Variants in DIP2C observed in about 807,000 individuals in gnomAD.
The protein encoded by DIP2C is disco-interacting protein 2 homolog C.
In DIP2C, 33 loss-of-function variants were observed where a neutral mutation model predicts 192.4. That is an observed-to-expected ratio of 0.17 (90% confidence interval 0.13 to 0.23). The LOEUF is 0.23. Ranked by LOEUF, DIP2C falls within the 10% of genes least tolerant of loss-of-function variation. DIP2C has a pLI of 1.00. For missense variants in DIP2C, 1,537 were observed against 2,110.1 expected (o/e 0.73, Z 5.32); for synonymous variants, 979 against 864.1 (o/e 1.13, Z -2.33).
intron 24 of DIP2C, 21 bp downstream of exon 24, chr10:356,387 TGAGGCCAGTAGCCAGGGA>T: frequency 1.9e-6 from 3 of 1,606,046 alleles, no homozygotes; most frequent in Non-Finnish European, 2.5e-6. Flanking sequence ...CTAGGCCCCT[TGAGGCCAGTAGCCAGGGA>T]AGGCCAGCTC....
rs150185768 is a variant in DIP2C at position 685,733 on chromosome 10, G to A, written c.85+3761C>T. 7.2e-3 allele frequency among the ~76,000 whole-genome samples: 1,099 copies of A among 152,114 alleles called. 7 individuals are homozygous for A. The highest frequency in any genetic ancestry group is 0.018 in the African/African-American group (749 of 41,472). On this transcript the variant is annotated intron_variant, in intron 1 of 36. Transcript: ENST00000280886. ...TCCCAGCACTTTGGGAGGTCGAGGC[G>A]GGCGGATCACCTGAGGTAAAGAGTT...
intron 1 of DIP2C, among the ~76,000 whole-genome samples, chr10:517,262 T>C (rs1404349643): frequency 1.3e-5 from 2 of 152,100 alleles, no homozygotes; most frequent in Non-Finnish European, 2.9e-5. Flanking sequence ...GTACCATGAA[T>C]TTACTTACTG....
chr10:491,781 C>T (rs976106396), intron 1 of DIP2C, among the ~76,000 whole-genome samples: 2 of 152,258 alleles, frequency 1.3e-5, no homozygotes, highest in Admixed American at 6.5e-5. Flanking sequence ...CATTCAGTAT[C>T]TATTTCACAT....
At chr10:390,606 C>A in intron 11 of DIP2C, 134 bp downstream of exon 11, 1 of 1,428,674 alleles carries the variant, frequency 7.0e-7, no homozygotes, top group Non-Finnish European at 9.5e-7. Context: ...GACGAGAACG[C>A]GTGAAAACTC....
intron 4 of DIP2C, among the ~76,000 whole-genome samples, chr10:423,716 T>TAC (rs1367520424): frequency 1.3e-5 from 2 of 151,672 alleles, no homozygotes; most frequent in Non-Finnish European, 2.9e-5. Flanking sequence ...GATTTATTTC[T>TAC]ACGTCGGTGT....
intron 1 of DIP2C, among the ~76,000 whole-genome samples, chr10:570,761 C>T (rs1482252064): frequency 6.6e-6 from 1 of 152,254 alleles, no homozygotes; most frequent in Non-Finnish European, 1.5e-5. Context: ...GCTCCCAGCA[C>T]ACTACCTTGC....
intron 31 of DIP2C, among the ~76,000 whole-genome samples, chr10:311,180 A>G (rs1442821052): frequency 2.0e-5 from 3 of 152,264 alleles, no homozygotes; most frequent in East Asian, 3.9e-4. Flanking sequence ...CTGCTCAGCA[A>G]AGCCGCCCCA....
rs74113955 is a variant in DIP2C at position 369,534 on chromosome 10, G to A, written c.2091C>T (p.Ser697=). ...VIRVDSEEKL[S]VLTVQDVGLV... ...GGCCGACATCCTGCACGGTGAGCAC[G>A]GACAGCTTCTCTTCCGAGTCCACAC... The change falls in exon 18 of 37, where the codon TCC becomes TCT. Residue 697 remains serine, a synonymous_variant. Coordinates refer to ENST00000280886, the MANE Select transcript of DIP2C (RefSeq NM_014974.3). 2.9e-3 allele frequency: 4,612 copies of A among 1,580,568 alleles called. 100 individuals are homozygous for A. The African/African-American group carries it at 0.046, about 16-fold the overall frequency.
intron 1 of DIP2C, among the ~76,000 whole-genome samples, chr10:655,249 C>T (rs766811160): frequency 6.6e-6 from 1 of 152,224 alleles, no homozygotes; most frequent in African/African-American, 2.4e-5. Context: ...TTTGCTGAGA[C>T]CTTTCCTTTT....
At chr10:650,813 C>A (rs1855835550) in intron 1 of DIP2C, 1 of 698,858 alleles carries the variant, frequency 1.4e-6, no homozygotes, top group Non-Finnish European at 2.7e-6. Flanking sequence ...ACCATGGAAC[C>A]CAGATGTCCT....
intron 1 of DIP2C, among the ~76,000 whole-genome samples, chr10:617,194 T>C (rs1451414696): frequency 1.0e-5 from 1 of 98,556 alleles, no homozygotes; most frequent in East Asian, 3.3e-4. Flanking sequence ...TGTTGGTATC[T>C]CAGCCGCCCC....
At chr10:607,688 G>C (rs568273219) in intron 1 of DIP2C, among the ~76,000 whole-genome samples, 1 of 152,160 alleles carries the variant, frequency 6.6e-6, no homozygotes, top group Non-Finnish European at 1.5e-5. Flanking sequence ...ACTAGTTCAC[G>C]CCATAAGGTT....
In DIP2C at chr10:579,547, GTACA is replaced by G. The variant is rs979307835; in HGVS notation, c.86-93021_86-93018del. Among the ~76,000 whole-genome samples, 56 of 152,054 alleles carry G rather than the reference GTACA, an allele frequency of 3.7e-4. 1 individual carries two copies. Among genetic ancestry groups the G allele is most frequent in the Admixed American group, 8.5e-4 (13 of 15,288 alleles). ...ATACACACATCCAGATCCATAAAGT[GTACA>G]TACATAGGTACACTATAACACATGC... On this transcript the variant is annotated intron_variant, in intron 1 of 36. Transcript: ENST00000280886.
rs1372491752 is a variant in DIP2C, at chr10:329,742, T to C, written c.3585-141A>G. The C allele has an allele frequency of 9.3e-6, 10 of 1,077,822 alleles. No individual in the cohort carries two copies. The Admixed American group carries it at 2.1e-4, about 23-fold the overall frequency. 66.8% of individuals were successfully genotyped at this position (1,077,822 alleles called of 1,614,324 possible). A position where few individuals can be genotyped will look rare whatever the true frequency, so the allele number is the denominator to read the frequency against. On this transcript the variant is annotated intron_variant, in intron 29 of 36. Coordinates refer to ENST00000280886, the MANE Select transcript of DIP2C (RefSeq NM_014974.3). Reference sequence around the variant, plus strand: ...TGCTGCCATCTGTAGAAGGGCACAGTAAAGCCAACGCTGCAAACTGCAACC... The same window carrying C: ...TGCTGCCATCTGTAGAAGGGCACAGCAAAGCCAACGCTGCAAACTGCAACC...
At chr10:606,610 A>ATTCTCATTGGTTGGGAGGGG (rs1284051453) in intron 1 of DIP2C, among the ~76,000 whole-genome samples, 7 of 151,602 alleles carry the variant, frequency 4.6e-5, no homozygotes, top group Non-Finnish European at 1.0e-4. Context: ...TGTGATCCGA[A>ATTCTCATTGGTTGGGAGGGG]TTCTCATTGG....
chr10:353,581 G>A (rs992092299), intron 24 of DIP2C, among the ~76,000 whole-genome samples: 4 of 152,016 alleles, frequency 2.6e-5, no homozygotes, highest in South Asian at 2.1e-4. Flanking sequence ...TAGTAGAGAC[G>A]GGGTTTCACC....
chr10:438,887 T>C (rs964047102), intron 4 of DIP2C, among the ~76,000 whole-genome samples: 2 of 151,856 alleles, frequency 1.3e-5, no homozygotes, highest in African/African-American at 4.8e-5. Context: ...AGTGGTGCCA[T>C]CTCAGCTCAC....
chr10:472,497 G>T lies in DIP2C; in HGVS notation c.210C>A (p.Ser70=). ...QERRAPVTPS[S]ASRYHRRRSS... is the part of the protein sequence containing the mutation. Reference sequence around the variant, plus strand: ...ACCGTCGGCGGTGGTAGCGAGAGGCGGAGGAAGGAGTGACAGGAGCCCGGC... The same window carrying T: ...ACCGTCGGCGGTGGTAGCGAGAGGCTGAGGAAGGAGTGACAGGAGCCCGGC... Residue 70 remains serine, a synonymous_variant, in exon 3 of 37, where the codon TCC becomes TCA. Transcript: ENST00000280886. 6 of 1,614,176 alleles carry T rather than the reference G, an allele frequency of 3.7e-6. No individual in the cohort carries two copies. Among genetic ancestry groups the T allele is most frequent in the Non-Finnish European group, 4.2e-6 (5 of 1,180,034 alleles).
At chr10:566,116 A>G (rs1343503231) in intron 1 of DIP2C, among the ~76,000 whole-genome samples, 1 of 152,256 alleles carries the variant, frequency 6.6e-6, no homozygotes, top group African/African-American at 2.4e-5. Context: ...AGAAACTTCT[A>G]AAATCAATGC....
Sources: gnomAD v4.1 joint callset for allele counts (sites outside exome capture counted in the v4.1 genomes callset) on GRCh38, gnomAD v4.1.1 for gene constraint, MANE v1.5 for transcripts, NCBI Gene and HGNC (gene_info 2026-07-23, HGNC 2026-07-21) for gene names.